The following AKT3 variants were observed in gnomAD, a reference collection of about 807,000 sequenced individuals.
AKT3 encodes AKT serine/threonine kinase 3, also known as RAC-gamma serine/threonine-protein kinase.
A neutral mutation model predicts 65.3 loss-of-function variants in AKT3; 15 were observed. The observed-to-expected ratio is 0.23, with a 90% CI of 0.15 to 0.35. The LOEUF is 0.35. Ranked by LOEUF, AKT3 falls within the 10% of genes least tolerant of loss-of-function variation. The probability of loss-of-function intolerance (pLI) is 1.00; values close to 1 mark genes in which losing one functional copy is unlikely to be tolerated. For synonymous variants in AKT3, 206 were observed against 183.8 expected (o/e 1.12, Z -0.98); for missense variants, 243 against 576.5 (o/e 0.42, Z 5.92).
At chr1:243,786,262 CCT>C (rs1691255505) in intron 2 of AKT3, among the ~76,000 whole-genome samples, 1 of 152,194 alleles carries the variant, frequency 6.6e-6, no homozygotes, top group African/African-American at 2.4e-5. Flanking sequence ...ATCTGTGTTT[CCT>C]CTTTTTCCTT....
chr1:243,587,409 G>A (rs1057157921), intron 8 of AKT3, among the ~76,000 whole-genome samples: 3 of 152,036 alleles, frequency 2.0e-5, no homozygotes, highest in Non-Finnish European at 2.9e-5. Flanking sequence ...TCAAGAATTC[G>A]AAACCAGCCC....
chr1:243,571,036 T>C (rs545829880), intron 9 of AKT3, among the ~76,000 whole-genome samples: 2 of 152,300 alleles, frequency 1.3e-5, no homozygotes, highest in Admixed American at 1.3e-4. Flanking sequence ...TACCAATATG[T>C]TGGCTGGGCA....
chr1:243,770,744 A>AC (rs989484932), intron 2 of AKT3, among the ~76,000 whole-genome samples: 7 of 151,866 alleles, frequency 4.6e-5, no homozygotes, highest in Middle Eastern at 3.2e-3. Context: ...GAAAAAAAAA[A>AC]AAAACATTTT....
chr1:243,738,610 A>C (rs575597837), intron 2 of AKT3, among the ~76,000 whole-genome samples: 2 of 152,230 alleles, frequency 1.3e-5, no homozygotes, highest in African/African-American at 4.8e-5. Flanking sequence ...TTATGTGCTC[A>C]AAAGTATACA....
intron 4 of AKT3, among the ~76,000 whole-genome samples, chr1:243,654,169 T>C (rs1005539425): frequency 2.0e-5 from 3 of 152,152 alleles, no homozygotes; most frequent in Non-Finnish European, 2.9e-5. Flanking sequence ...TAAATTATAA[T>C]ATTTAACTTT....
chr1:243,657,915 G>A (rs1434581670), intron 4 of AKT3, among the ~76,000 whole-genome samples: 3 of 152,076 alleles, frequency 2.0e-5, no homozygotes, highest in East Asian at 1.9e-4. Flanking sequence ...TGAGAAAACT[G>A]GGTATCAACA....
At chr1:243,707,162 A>G (rs746046251) in intron 2 of AKT3, among the ~76,000 whole-genome samples, 6 of 152,226 alleles carry the variant, frequency 3.9e-5, no homozygotes, top group Non-Finnish European at 7.3e-5. Context: ...TAAGGAAACC[A>G]ATCAAAGGAG....
intron 2 of AKT3, among the ~76,000 whole-genome samples, chr1:243,772,253 A>G (rs979001416): frequency 9.2e-5 from 14 of 152,246 alleles, no homozygotes; most frequent in Admixed American, 2.0e-4. Flanking sequence ...TGAACAGGCA[A>G]CCTACAGAAT....
chr1:243,618,828 C>T (rs1044987850), intron 6 of AKT3, among the ~76,000 whole-genome samples: 41 of 151,934 alleles, frequency 2.7e-4, no homozygotes, highest in African/African-American at 9.4e-4. Context: ...TTGACCCTCT[C>T]GATGTTTTGT....
chr1:243,660,317 T>G (rs1267686188), intron 4 of AKT3, among the ~76,000 whole-genome samples: 1 of 152,096 alleles, frequency 6.6e-6, no homozygotes, highest in East Asian at 1.9e-4. Flanking sequence ...CTGTGGGATC[T>G]GTGGTGATAT....
chr1:243,516,451 A>C (rs1323822738), intron 12 of AKT3, among the ~76,000 whole-genome samples: 1 of 151,998 alleles, frequency 6.6e-6, no homozygotes, highest in East Asian at 1.9e-4. Context: ...AATTTTCTCT[A>C]TGATTTTTTG....
At chr1:243,740,707 T>C (rs1442201421) in intron 2 of AKT3, 1 of 152,224 alleles carries the variant, frequency 6.6e-6, no homozygotes, top group African/African-American at 2.4e-5. Context: ...GTCTTATTTA[T>C]ATTACCTGAA....
chr1:243,686,268 G>C lies in AKT3; in HGVS notation c.172+9323C>G, dbSNP rs547463982. Among the ~76,000 whole-genome samples, 9 of 152,184 alleles carry C rather than the reference G, an allele frequency of 5.9e-5. No individual in the cohort carries two copies. In the East Asian group the frequency reaches 1.7e-3, roughly 29 times the overall value. On this transcript the variant is annotated intron_variant, in intron 3 of 13. Coordinates refer to ENST00000673466, the MANE Select transcript of AKT3 (RefSeq NM_005465.7). ...TAGGTGTTACTTCTTTAGCCATAGT[G>C]ATGTCTTCTTTTTTGGCCAGAAGGA...
intron 2 of AKT3, among the ~76,000 whole-genome samples, chr1:243,752,609 TTTTA>T (rs1347936413): frequency 6.6e-6 from 1 of 152,236 alleles, no homozygotes; most frequent in Non-Finnish European, 1.5e-5. Context: ...CAACTTTTCA[TTTTA>T]TTTTTTCAAA....
At chr1:243,844,016 C>T (rs1417330432) in intron 1 of AKT3, among the ~76,000 whole-genome samples, 1 of 151,928 alleles carries the variant, frequency 6.6e-6, no homozygotes, top group East Asian at 1.9e-4. Context: ...TCTTACTCTG[C>T]CTGTTCCAAG....
chr1:243,716,150 T>C (rs1477804041), intron 2 of AKT3, among the ~76,000 whole-genome samples: 1 of 152,144 alleles, frequency 6.6e-6, no homozygotes, highest in Non-Finnish European at 1.5e-5. Flanking sequence ...GAATTCTTCT[T>C]CATATAATCA....
At chr1:243,786,479 C>G (rs554863763) in intron 2 of AKT3, among the ~76,000 whole-genome samples, 2 of 152,128 alleles carry the variant, frequency 1.3e-5, no homozygotes, top group Non-Finnish European at 2.9e-5. Context: ...CTGTGCAGCC[C>G]CAATCTTAAT....
At chr1:243,514,364 A>G (rs1670208377) in intron 12 of AKT3, among the ~76,000 whole-genome samples, 1 of 152,176 alleles carries the variant, frequency 6.6e-6, no homozygotes, top group Non-Finnish European at 1.5e-5. Context: ...ACAGTTTTCA[A>G]AAGATTATAG....
At chr1:243,654,974 A>G (rs184058497) in intron 4 of AKT3, among the ~76,000 whole-genome samples, 59 of 152,074 alleles carry the variant, frequency 3.9e-4, no homozygotes, top group East Asian at 3.9e-4. Flanking sequence ...GGTATCTTTA[A>G]CTATTTTTTA....
Sources: allele counts gnomAD v4.1 joint callset (sites outside exome capture counted in the v4.1 genomes callset), GRCh38; gene constraint gnomAD v4.1.1; transcripts MANE v1.5; gene names NCBI Gene and HGNC (gene_info 2026-07-23, HGNC 2026-07-21).